The following CPLX2 variants were observed in gnomAD, a reference collection of about 807,000 sequenced individuals.
CPLX2 encodes the protein complexin-2.
A neutral mutation model predicts 16.3 loss-of-function variants in CPLX2; 5 were observed. That is an observed-to-expected ratio of 0.31 (90% confidence interval 0.16 to 0.64). The LOEUF (loss-of-function observed/expected upper bound fraction) is 0.64. CPLX2 is among the 30% of genes least tolerant of loss of function. The probability of loss-of-function intolerance (pLI) is 0.79; values close to 1 mark genes in which losing one functional copy is unlikely to be tolerated. For missense variants in CPLX2, 144 were observed against 181.4 expected (o/e 0.79, Z 1.18); for synonymous variants, 89 against 73.2 (o/e 1.22, Z -1.10).
At chr5:175,799,076 A>G (rs1382899925) in intron 1 of CPLX2, among the ~76,000 whole-genome samples, 2 of 152,238 alleles carry the variant, frequency 1.3e-5, no homozygotes, top group Non-Finnish European at 2.9e-5. Flanking sequence ...ACTGTTTCAG[A>G]AATAAACAAG....
chr5:175,804,709 C>A (rs190183428), intron 1 of CPLX2, among the ~76,000 whole-genome samples: 3 of 152,128 alleles, frequency 2.0e-5, no homozygotes, highest in Non-Finnish European at 2.9e-5. Flanking sequence ...CAAGACCCCC[C>A]GGTGATTGAC....
At chr5:175,867,196 C>CA (rs1344580248), upstream of CPLX2, among the ~76,000 whole-genome samples, 1 of 152,112 alleles carries the variant, frequency 6.6e-6, no homozygotes, top group African/African-American at 2.4e-5. Context: ...AAGGAGGGGT[C>CA]AGTCACTATC....
chr5:175,846,015 G>T (rs941713005), intron 2 of CPLX2, among the ~76,000 whole-genome samples: 1 of 152,116 alleles, frequency 6.6e-6, no homozygotes, highest in Non-Finnish European at 1.5e-5. Context: ...CTTAGTGAGG[G>T]CACTAAGGTC....
chr5:175,879,704 A>C (rs1420873009), intron 3 of CPLX2, 144 bp from the exon 4 acceptor site: 12 of 772,348 alleles, frequency 1.6e-5, no homozygotes, highest in Non-Finnish European at 2.5e-5. Context: ...CAGGGAAGAC[A>C]CCCTTATCCC....
At position 175,846,387 on chromosome 5, in the gene CPLX2, T is replaced by C. The variant is rs183987450; in HGVS notation, c.-88-32265T>C. On this transcript the variant is annotated intron_variant, in intron 2 of 4. Transcript: ENST00000359546. ...TCCACCTCCCTCTGCCTGTATGACC[T>C]TGGGCAGGTCACTTCCATCCCCTGA... Among the ~76,000 whole-genome samples the C allele has an allele frequency of 7.2e-5, 11 of 152,284 alleles. No individual in the cohort carries two copies. In the East Asian group the frequency reaches 1.9e-3, roughly 27 times the overall value.
At chr5:175,879,201 G>A (rs546807604) in intron 3 of CPLX2, 118 bp downstream of exon 3, 3 of 1,102,416 alleles carry the variant, frequency 2.7e-6, no homozygotes, top group South Asian at 3.3e-5. Flanking sequence ...CTAGTTCTGA[G>A]CCTCACTCTT....
intron 2 of CPLX2, among the ~76,000 whole-genome samples, chr5:175,834,602 G>C (rs1234412739): frequency 6.6e-6 from 1 of 152,194 alleles, no homozygotes; most frequent in Non-Finnish European, 1.5e-5. Context: ...GCTGGGTGTG[G>C]TGGCTCAAGC....
chr5:175,841,667 G>A (rs76776090), intron 2 of CPLX2, among the ~76,000 whole-genome samples: 2 of 152,174 alleles, frequency 1.3e-5, no homozygotes, highest in Non-Finnish European at 2.9e-5. Flanking sequence ...TCACACAGAG[G>A]CATCCTCTCA....
chr5:175,870,063 G>C (rs1759557440), upstream of CPLX2, among the ~76,000 whole-genome samples: 1 of 152,198 alleles, frequency 6.6e-6, no homozygotes, highest in Admixed American at 6.5e-5. Flanking sequence ...TTAGTGGAAA[G>C]TCTAAGTCAC....
intron 2 of CPLX2, among the ~76,000 whole-genome samples, chr5:175,852,544 C>T (rs1427950354): frequency 6.6e-6 from 1 of 152,226 alleles, no homozygotes; most frequent in East Asian, 1.9e-4. Flanking sequence ...TACATTCACA[C>T]ACTGCATCTC....
At chr5:175,822,035 C>T (rs886949590) in intron 2 of CPLX2, among the ~76,000 whole-genome samples, 6 of 152,184 alleles carry the variant, frequency 3.9e-5, no homozygotes, top group African/African-American at 1.4e-4. Flanking sequence ...TGGGCCTCTC[C>T]TGTGGACAGT....
chr5:175,840,956 G>A (rs1366803407), intron 2 of CPLX2, among the ~76,000 whole-genome samples: 2 of 152,178 alleles, frequency 1.3e-5, no homozygotes, highest in African/African-American at 4.8e-5. Flanking sequence ...TCATCTCACA[G>A]AGGAAACCAG....
At chr5:175,841,223 T>A (rs1758937949) in intron 2 of CPLX2, among the ~76,000 whole-genome samples, 1 of 151,940 alleles carries the variant, frequency 6.6e-6, no homozygotes, top group African/African-American at 2.4e-5. Flanking sequence ...CCACTCCAGT[T>A]CCCCACACCA....
intron 2 of CPLX2, among the ~76,000 whole-genome samples, chr5:175,839,270 TTTTTG>T: frequency 6.7e-6 from 1 of 149,430 alleles, no homozygotes; most frequent in East Asian, 2.0e-4. Flanking sequence ...AATTTTTGTT[TTTTTG>T]TTTTGTTTGT....
intron 2 of CPLX2, among the ~76,000 whole-genome samples, chr5:175,836,312 T>A (rs1758839519): frequency 1.3e-5 from 2 of 152,178 alleles, no homozygotes; most frequent in Non-Finnish European, 2.9e-5. Flanking sequence ...ATCGTGCCAC[T>A]GCACTCCAGC....
At position 175,845,686 on chromosome 5, in the gene CPLX2, G is replaced by A. The variant is rs567947799; in HGVS notation, c.-88-32966G>A. Among the ~76,000 whole-genome samples the A allele has an allele frequency of 1.1e-4, 16 of 152,266 alleles. No individual in the cohort carries two copies. Among genetic ancestry groups the A allele is most frequent in the African/African-American group, 2.6e-4 (11 of 41,530 alleles). On this transcript the variant is annotated intron_variant, in intron 2 of 4. Transcript: ENST00000359546. This position sits in a 1 kb window ranked among gnomAD's most constrained non-coding sequence, Gnocchi z 4.0. ...GGGGACTCATTGGTGCTGGTTCCAC[G>A]GGCCTGGCACACTGCCTGGCACAGA...
upstream of CPLX2, chr5:175,871,456 A>AGAGG (rs1186414614): frequency 1.3e-4 from 16 of 122,800 alleles, 1 homozygote; most frequent in Non-Finnish European, 1.6e-4. Flanking sequence ...AGAGAGAGAG[A>AGAGG]GAGAGAGAGA....
chr5:175,801,500 T>C (rs1468310718), intron 1 of CPLX2, among the ~76,000 whole-genome samples: 3 of 152,184 alleles, frequency 2.0e-5, no homozygotes, highest in Non-Finnish European at 4.4e-5. Context: ...CAGCGTGTGG[T>C]AGCTGTGGAG....
chr5:175,868,716 G>A (rs975502969), upstream of CPLX2, among the ~76,000 whole-genome samples: 3 of 150,648 alleles, frequency 2.0e-5, no homozygotes, highest in African/African-American at 7.3e-5. Flanking sequence ...TTTTCTTTTA[G>A]TGAGAAACTG....
Sources: gnomAD v4.1 joint callset for allele counts (sites outside exome capture counted in the v4.1 genomes callset) on GRCh38, gnomAD v4.1.1 for gene constraint, Gnocchi (gnomAD v3.1) non-coding constraint, MANE v1.5 for transcripts, NCBI Gene and HGNC (gene_info 2026-07-23, HGNC 2026-07-21) for gene names.